Variants in PCDHA7 observed in about 807,000 individuals in gnomAD.
PCDHA7 encodes the protein protocadherin alpha 7.
A neutral mutation model predicts 57.2 loss-of-function variants in PCDHA7; 37 were observed. That is an observed-to-expected ratio of 0.65 (90% CI 0.50 to 0.85). The LOEUF (loss-of-function observed/expected upper bound fraction) is 0.85, where lower values mean the gene tolerates loss of function less well. PCDHA7 is among the 40% of genes least tolerant of loss of function. The pLI, the probability that PCDHA7 is intolerant of heterozygous loss-of-function variation, is 0.00. For synonymous variants in PCDHA7, 553 were observed against 558.8 expected, an observed-to-expected ratio of 0.99 and a Z score of 0.15; for missense variants, 1,188 against 1,241.8, an observed-to-expected ratio of 0.96 and a Z score of 0.65.
intron 1 of PCDHA7, among the ~76,000 whole-genome samples, chr5:140,957,961 G>C (rs1188264296): frequency 6.6e-6 from 1 of 152,048 alleles, no homozygotes; most frequent in Non-Finnish European, 1.5e-5. Flanking sequence ...TATTAATTCA[G>C]AGATGCTGTA....
In PCDHA7 at chr5:140,857,500, G is replaced by A; in HGVS notation, c.2355+20762G>A. On this transcript the variant is annotated intron_variant, in intron 1 of 3. Transcript: ENST00000525929. The stretch of plus-strand genomic sequence containing the variant: ...TGTCTGCGTGGGACGCGGACGCGCA[G>A]GAGAACGCCCTGGTGTCCTACTCTC... 1.3e-6 allele frequency: 2 copies of A among 1,598,362 alleles called. 1 individual carries two copies. Among genetic ancestry groups the A allele is most frequent in the Non-Finnish European group, 1.7e-6 (2 of 1,167,860 alleles).
intron 1 of PCDHA7, chr5:140,867,633 T>C (rs1479252473): frequency 2.6e-5 from 4 of 152,136 alleles, no homozygotes; most frequent in Admixed American, 2.0e-4. Context: ...ATATTTAAGC[T>C]AGAGTGATAT....
intron 3 of PCDHA7, among the ~76,000 whole-genome samples, chr5:140,998,919 A>G (rs781864069): frequency 6.6e-6 from 1 of 152,248 alleles, no homozygotes; most frequent in Non-Finnish European, 1.5e-5. Flanking sequence ...TAGCTATTAT[A>G]TCCATTTTAC....
Position 140,850,922 on chromosome 5 carries a change from A to G in PCDHA7, c.2355+14184A>G, listed in dbSNP as rs1228404686. 21 of 1,525,242 alleles carry G rather than the reference A, an allele frequency of 1.4e-5. 3 individuals are homozygous for G. Among genetic ancestry groups the G allele is most frequent in the Non-Finnish European group, 1.9e-5 (21 of 1,134,594 alleles). The allele number at this position is 1,525,242 out of a possible 1,614,324, so 94.5% of individuals were successfully genotyped here. A position where few individuals can be genotyped will look rare whatever the true frequency, so the allele number is the denominator to read the frequency against. ...TTTCTAGCATTTTATTTATTTATATAATTTTTTTTCTTGAAAGATATTATC... is the reference window on the plus strand; with the variant it reads ...TTTCTAGCATTTTATTTATTTATATGATTTTTTTTCTTGAAAGATATTATC... On this transcript the variant is annotated intron_variant, in intron 1 of 3. Transcript: ENST00000525929.
intron 1 of PCDHA7, chr5:140,861,479 T>C: frequency 2.0e-6 from 1 of 490,568 alleles, no homozygotes; most frequent in Non-Finnish European, 4.2e-6. Context: ...AGAATGGCAT[T>C]TTTGTGAGTT....
At chr5:140,837,511 G>A (rs1335097431) in intron 1 of PCDHA7, among the ~76,000 whole-genome samples, 2 of 96,626 alleles carry the variant, frequency 2.1e-5, no homozygotes, top group Non-Finnish European at 4.1e-5. Context: ...TTCTGAAGCA[G>A]TTTACTTTTT....
intron 1 of PCDHA7, among the ~76,000 whole-genome samples, chr5:140,953,146 A>G (rs1554220822): frequency 6.6e-6 from 1 of 152,152 alleles, no homozygotes; most frequent in Non-Finnish European, 1.5e-5. Context: ...TTATATTTCT[A>G]TGAAGGGTGT....
At chr5:140,872,850 G>T (rs1439631581) in intron 1 of PCDHA7, among the ~76,000 whole-genome samples, 2 of 152,084 alleles carry the variant, frequency 1.3e-5, no homozygotes, top group African/African-American at 4.8e-5. Context: ...ATATATTAAT[G>T]TGAGTACCTA....
intron 1 of PCDHA7, chr5:140,849,719 G>A (rs1386986772): frequency 6.3e-7 from 1 of 1,598,560 alleles, no homozygotes; most frequent in Non-Finnish European, 8.6e-7. Flanking sequence ...ACTCGTTGGT[G>A]CTGGACAGAG....
intron 1 of PCDHA7, among the ~76,000 whole-genome samples, chr5:140,933,464 A>G (rs1257783133): frequency 1.3e-5 from 2 of 152,074 alleles, no homozygotes; most frequent in African/African-American, 4.8e-5. Flanking sequence ...TATACTCTGA[A>G]TTCAAACACA....
At chr5:140,841,440 A>G in intron 1 of PCDHA7, 1 of 1,612,980 alleles carries the variant, frequency 6.2e-7, no homozygotes, top group Non-Finnish European at 8.5e-7. Flanking sequence ...GAGGAGGCCA[A>G]ACACGGCACC....
intron 1 of PCDHA7, among the ~76,000 whole-genome samples, chr5:140,855,385 G>C (rs2043451354): frequency 6.7e-6 from 1 of 149,884 alleles, no homozygotes; most frequent in Non-Finnish European, 1.5e-5. Context: ...AATCTAAATG[G>C]AGAAATGTCT....
At chr5:140,867,118 T>C (rs2049765139) in intron 1 of PCDHA7, 1 of 152,172 alleles carries the variant, frequency 6.6e-6, no homozygotes, top group Admixed American at 6.5e-5. Context: ...CATATTGTTT[T>C]AATTCAAATA....
rs2150411102 is a variant in PCDHA7, at chr5:140,848,487, G to A, written c.2355+11749G>A. 8 of 1,574,380 alleles carry A rather than the reference G, an allele frequency of 5.1e-6. No individual in the cohort carries two copies. The Admixed American group carries it at 1.2e-4, about 24-fold the overall frequency. On this transcript the variant is annotated intron_variant, in intron 1 of 3. Coordinates refer to ENST00000525929, the MANE Select transcript of PCDHA7 (RefSeq NM_018910.3). ...TTTTCACTAATTAGAAGAAGACTGA[G>A]TATTTGAAATGTTATACTCAAGTCG...
At chr5:140,955,458 T>C (rs246018) in intron 1 of PCDHA7, among the ~76,000 whole-genome samples, 85,567 of 151,850 alleles carry the variant, frequency 0.56, 24,724 homozygotes, top group African/African-American at 0.69. Flanking sequence ...AAGGGCTTTT[T>C]CCTTTTTGCT....
At chr5:140,909,850 C>T (rs181576128) in intron 1 of PCDHA7, among the ~76,000 whole-genome samples, 30 of 152,294 alleles carry the variant, frequency 2.0e-4, no homozygotes, top group Admixed American at 5.9e-4. Flanking sequence ...AGGACGTTTT[C>T]GGTCCCCTGG....
At chr5:140,909,851 G>A (rs555110598) in intron 1 of PCDHA7, among the ~76,000 whole-genome samples, 17 of 152,228 alleles carry the variant, frequency 1.1e-4, no homozygotes, top group East Asian at 3.9e-4. Flanking sequence ...GGACGTTTTC[G>A]GTCCCCTGGA....
At chr5:140,995,214 C>T (rs1193715389) in intron 3 of PCDHA7, among the ~76,000 whole-genome samples, 2 of 152,136 alleles carry the variant, frequency 1.3e-5, no homozygotes, top group Admixed American at 6.6e-5. Flanking sequence ...AGGCACAATA[C>T]TCTTGTGCTT....
intron 3 of PCDHA7, among the ~76,000 whole-genome samples, chr5:140,986,380 G>T (rs1554247980): frequency 6.6e-6 from 1 of 152,130 alleles, no homozygotes; most frequent in African/African-American, 2.4e-5. Flanking sequence ...TGGGGGGAGG[G>T]ACATTAAAGG....
Sources: gnomAD v4.1 joint callset for allele counts (sites outside exome capture counted in the v4.1 genomes callset) on GRCh38, gnomAD v4.1.1 for gene constraint, MANE v1.5 for transcripts, NCBI Gene and HGNC (gene_info 2026-07-23, HGNC 2026-07-21) for gene names.